SLC12A7: variants seen among roughly 807,000 people sequenced by gnomAD.
SLC12A7 encodes the protein K-Cl cotransporter 4.
In SLC12A7, 100 loss-of-function variants were observed where a neutral mutation model predicts 120.6. That is an observed-to-expected ratio of 0.83 (90% confidence interval 0.71 to 0.98). The LOEUF is 0.98. Among genes scored for constraint, SLC12A7 ranks in the 50% least tolerant of loss-of-function variants. The probability of loss-of-function intolerance (pLI) is 0.00; values close to 1 mark genes in which losing one functional copy is unlikely to be tolerated. For synonymous variants in SLC12A7, 760 were observed against 678.0 expected (o/e 1.12, Z -1.88); for missense variants, 1,373 against 1,548.1 (o/e 0.89, Z 1.90).
At chr5:1,064,562 T>C (rs931816682) in intron 18 of SLC12A7, among the ~76,000 whole-genome samples, 1 of 152,166 alleles carries the variant, frequency 6.6e-6, no homozygotes, top group African/African-American at 2.4e-5. Context: ...GCACACACCC[T>C]CGGGTCGGTG....
At chr5:1,097,401 A>C (rs1741374138) in intron 1 of SLC12A7, among the ~76,000 whole-genome samples, 1 of 152,052 alleles carries the variant, frequency 6.6e-6, no homozygotes, top group Non-Finnish European at 1.5e-5. Flanking sequence ...CACCCCGAAA[A>C]ACACACACAC....
At chr5:1,111,461 G>A (rs1201205411) in intron 1 of SLC12A7, among the ~76,000 whole-genome samples, 10 of 152,132 alleles carry the variant, frequency 6.6e-5, no homozygotes, top group Non-Finnish European at 1.5e-4. Context: ...CGCGGCGCAG[G>A]GGAAGGGAGA....
the SLC12A7 span, among the ~76,000 whole-genome samples, chr5:1,125,329 A>G: frequency 3.3e-5 from 5 of 152,250 alleles, no homozygotes; most frequent in East Asian, 5.8e-4. Context: ...TCATACAGAA[A>G]CATCACTTCA....
Position 1,093,753 on chromosome 5 carries a change from G to T in SLC12A7, c.220-98C>A. 2.0e-6 allele frequency: 3 copies of T among 1,530,438 alleles called. No individual in the cohort carries two copies. The South Asian group carries it at 3.7e-5, about 19-fold the overall frequency. 94.8% of individuals were successfully genotyped at this position (1,530,438 alleles called of 1,614,324 possible). ...AGGGTGTGGAGCTCAGGCCCTCCCC[G>T]GGTCCTCAGCCCCTGGGTCTGAAGC... is the stretch of plus-strand genomic sequence containing the variant. On this transcript the variant is annotated intron_variant, in intron 2 of 23. Transcript: ENST00000264930.
intron 1 of SLC12A7, among the ~76,000 whole-genome samples, chr5:1,097,999 G>A (rs569496001): frequency 2.0e-5 from 3 of 152,024 alleles, no homozygotes; most frequent in South Asian, 4.1e-4. Context: ...TGCGTCCCGG[G>A]GACGTCATGG....
At chr5:1,073,530 C>A (rs898635707) in intron 17 of SLC12A7, 103 bp downstream of exon 17, 4 of 1,294,594 alleles carry the variant, frequency 3.1e-6, no homozygotes, top group Non-Finnish European at 3.2e-6. Context: ...CAGCGCCACG[C>A]ACAGCACCGT....
chr5:1,080,671 C>T (rs535862530), intron 9 of SLC12A7, among the ~76,000 whole-genome samples: 2 of 152,346 alleles, frequency 1.3e-5, no homozygotes, highest in East Asian at 3.9e-4. Context: ...ACTCGAAGAG[C>T]ACGGGGCCTG....
At position 1,085,360 on chromosome 5, in the gene SLC12A7, G is replaced by A; in HGVS notation, c.789C>T (p.Ala263=). The change falls in exon 7 of 24, where the codon GCC becomes GCT. Residue 263 remains alanine, a synonymous_variant. Coordinates refer to ENST00000264930, the MANE Select transcript of SLC12A7 (RefSeq NM_006598.3). ...VYGTCTLVLM[A]LVVFVGVKYV... is the part of the protein sequence containing the mutation. ...ACTTGACGCCCACGAAGACCACCAGGGCCATGAGCACGAGCGTGCACGTGC... is the reference window on the plus strand; with the variant it reads ...ACTTGACGCCCACGAAGACCACCAGAGCCATGAGCACGAGCGTGCACGTGC... 1 of 1,612,494 alleles carries A rather than the reference G, an allele frequency of 6.2e-7. No individual in the cohort carries two copies. Among genetic ancestry groups the A allele is most frequent in the Non-Finnish European group, 8.5e-7 (1 of 1,179,814 alleles).
At chr5:1,064,769 AGCAAGGGGACG>A (rs1736759418) in intron 18 of SLC12A7, among the ~76,000 whole-genome samples, 1 of 131,872 alleles carries the variant, frequency 7.6e-6, no homozygotes, top group Admixed American at 7.5e-5. Flanking sequence ...GTGAAGGGAC[AGCAAGGGGACG>A]GTGAGGGGAC....
At chr5:1,086,257 G>A (rs1441787735) in intron 6 of SLC12A7, among the ~76,000 whole-genome samples, 2 of 152,184 alleles carry the variant, frequency 1.3e-5, no homozygotes, top group Non-Finnish European at 2.9e-5. Flanking sequence ...AGCAGAGGGA[G>A]GGGCAGAAAG....
At chr5:1,076,304 G>T in intron 13 of SLC12A7, 68 bp from the exon 14 acceptor site, 1 of 1,284,050 alleles carries the variant, frequency 7.8e-7, no homozygotes, top group Non-Finnish European at 1.1e-6. Flanking sequence ...ACTGCCACCT[G>T]GGAGACCACC....
the SLC12A7 span, among the ~76,000 whole-genome samples, chr5:1,143,110 A>G: frequency 6.6e-6 from 1 of 152,124 alleles, no homozygotes; most frequent in Non-Finnish European, 1.5e-5. Context: ...CTCCTGGGCA[A>G]CATGCCCCTC....
upstream of SLC12A7, among the ~76,000 whole-genome samples, chr5:1,114,756 G>C (rs1743249376): frequency 6.6e-6 from 1 of 152,136 alleles, no homozygotes; most frequent in African/African-American, 2.4e-5. Flanking sequence ...CCCCTGGCAA[G>C]GCCGGGGGCT....
intron 17 of SLC12A7, among the ~76,000 whole-genome samples, chr5:1,068,420 G>A (rs1011347122): frequency 1.4e-5 from 2 of 138,684 alleles, no homozygotes; most frequent in African/African-American, 3.5e-5. Context: ...GGCAACAGAG[G>A]GAGACTCTGT....
chr5:1,117,634 T>C, the SLC12A7 span, among the ~76,000 whole-genome samples: 7 of 152,300 alleles, frequency 4.6e-5, no homozygotes, highest in Non-Finnish European at 8.8e-5. This position sits in a 1 kb window ranked among gnomAD's most constrained non-coding sequence, Gnocchi z 4.5. Context: ...CTCAGACCAA[T>C]AGACTGGCTC....
intron 7 of SLC12A7, 130 bp downstream of exon 7, chr5:1,085,102 C>T: frequency 7.5e-7 from 1 of 1,326,052 alleles, no homozygotes; most frequent in Non-Finnish European, 1.0e-6. Flanking sequence ...GGGGTTCCCG[C>T]CACGGTCACA....
At chr5:1,129,630 C>T in the SLC12A7 span, among the ~76,000 whole-genome samples, 1 of 151,992 alleles carries the variant, frequency 6.6e-6, no homozygotes, top group Non-Finnish European at 1.5e-5. Context: ...CTTGCTCAGG[C>T]ATCCCTGGCA....
At chr5:1,057,310 C>A (rs1579310339) in intron 22 of SLC12A7, 161 bp downstream of exon 22, 2 of 693,436 alleles carry the variant, frequency 2.9e-6, no homozygotes, top group Non-Finnish European at 4.7e-6. Flanking sequence ...CCAAAAGGAC[C>A]CCTCAGTGCC....
intron 23 of SLC12A7, 146 bp from the exon 24 acceptor site, chr5:1,052,597 T>C (rs1735163464): frequency 1.5e-6 from 1 of 666,912 alleles, no homozygotes; most frequent in Middle Eastern, 3.1e-4. Flanking sequence ...AGGTGGGGAT[T>C]AGAGAGACCC....
Sources: allele counts gnomAD v4.1 joint callset (sites outside exome capture counted in the v4.1 genomes callset), GRCh38; gene constraint gnomAD v4.1.1; non-coding constraint Gnocchi (gnomAD v3.1); transcripts MANE v1.5; gene names NCBI Gene and HGNC (gene_info 2026-07-23, HGNC 2026-07-21).